Variants in ZNF804B observed in about 807,000 individuals in gnomAD.
The protein encoded by ZNF804B is zinc finger protein 804B, also known as zinc finger 804B.
Under a neutral mutation model 101.4 loss-of-function variants are expected in ZNF804B, and 80 were observed. That is an observed-to-expected ratio of 0.79 (90% CI 0.66 to 0.95). ZNF804B has a LOEUF of 0.95. Ranked by LOEUF, ZNF804B falls within the 40% of genes least tolerant of loss-of-function variation. The pLI, the probability that ZNF804B is intolerant of heterozygous loss-of-function variation, is 0.00. For synonymous variants in ZNF804B, 622 were observed against 558.8 expected (o/e 1.11, Z -1.59); for missense variants, 1,673 against 1,561.9 (o/e 1.07, Z -1.20).
At chr7:89,089,351 T>C (rs370704217) in intron 1 of ZNF804B, among the ~76,000 whole-genome samples, 2 of 147,386 alleles carry the variant, frequency 1.4e-5, no homozygotes, top group African/African-American at 5.4e-5. Context: ...ATGGCTATGT[T>C]TTCGGAAAAA....
At chr7:88,797,782 G>A (rs570240264) in intron 1 of ZNF804B, among the ~76,000 whole-genome samples, 20 of 152,138 alleles carry the variant, frequency 1.3e-4, no homozygotes, top group African/African-American at 4.6e-4. Flanking sequence ...ACCCCAGGAT[G>A]TACTGTTCCA....
intron 2 of ZNF804B, among the ~76,000 whole-genome samples, chr7:89,226,169 G>T (rs1584068336): frequency 6.6e-6 from 1 of 152,034 alleles, no homozygotes; most frequent in East Asian, 1.9e-4. Flanking sequence ...TTGCTTATGA[G>T]AGTATAAATT....
intron 1 of ZNF804B, among the ~76,000 whole-genome samples, chr7:88,970,439 T>C (rs890615718): frequency 4.6e-5 from 7 of 151,334 alleles, no homozygotes; most frequent in Non-Finnish European, 4.4e-5. Context: ...AACTTTATAT[T>C]CCAAACATTT....
chr7:89,040,980 T>G (rs921726507), intron 1 of ZNF804B, among the ~76,000 whole-genome samples: 2 of 152,082 alleles, frequency 1.3e-5, no homozygotes, highest in African/African-American at 2.4e-5. Context: ...GTCTGGTTAT[T>G]GGGACCATAA....
chr7:89,175,014 G>A (rs1271050893), intron 1 of ZNF804B, among the ~76,000 whole-genome samples: 1 of 151,934 alleles, frequency 6.6e-6, no homozygotes, highest in Non-Finnish European at 1.5e-5. Context: ...TGGATAGTTT[G>A]CAAATATTTT....
At chr7:89,108,223 CTTT>C (rs68099837) in intron 1 of ZNF804B, among the ~76,000 whole-genome samples, 4 of 140,408 alleles carry the variant, frequency 2.8e-5, no homozygotes, top group African/African-American at 8.0e-5. Context: ...TAATTAGCTG[CTTT>C]TTTTTTTTTC....
intron 2 of ZNF804B, among the ~76,000 whole-genome samples, chr7:89,306,541 G>T (rs903069209): frequency 6.6e-6 from 1 of 151,922 alleles, no homozygotes; most frequent in African/African-American, 2.4e-5. Context: ...GAAATTATGT[G>T]AGTCTGGCCT....
intron 1 of ZNF804B, among the ~76,000 whole-genome samples, chr7:88,905,626 G>A (rs1298220363): frequency 6.6e-6 from 1 of 152,108 alleles, no homozygotes; most frequent in Non-Finnish European, 1.5e-5. Context: ...CCCAAGTGCT[G>A]GGCTTACAGG....
rs891908960 is a variant in ZNF804B at position 89,302,362 on chromosome 7, C to G, written c.250-24982C>G. ...CACAGCTATCGGGGACATGGATGGA[C>G]CCTTGGTGTTAGTTGTTTCAGGTAC... On this transcript the variant is annotated intron_variant, in intron 2 of 3. Transcript: ENST00000333190. 6.6e-5 allele frequency among the ~76,000 whole-genome samples: 10 copies of G among 151,816 alleles called. 1 individual carries two copies. The highest frequency in any genetic ancestry group is 6.6e-4 in the Admixed American group (10 of 15,192).
chr7:89,047,465 T>C (rs1789128192), intron 1 of ZNF804B, among the ~76,000 whole-genome samples: 1 of 152,160 alleles, frequency 6.6e-6, no homozygotes. Context: ...AGCGCTTTAT[T>C]ACTCATAAAA....
At position 88,862,791 on chromosome 7, in the gene ZNF804B, AT is replaced by A. The variant is rs367632755; in HGVS notation, c.108+102716del. On this transcript the variant is annotated intron_variant, in intron 1 of 3. Coordinates refer to ENST00000333190, the MANE Select transcript of ZNF804B (RefSeq NM_181646.5). ...TTGATTCATCGATGTTTACGCTGTCATTTTTTTTTAGCTTTTCCTGCTTCAC... is the reference window on the plus strand; with the variant it reads ...TTGATTCATCGATGTTTACGCTGTCATTTTTTTTAGCTTTTCCTGCTTCAC... Among the ~76,000 whole-genome samples the A allele has an allele frequency of 5.6e-3, 839 of 150,806 alleles. 11 individuals carry two copies. The highest frequency in any genetic ancestry group is 0.019 in the African/African-American group (787 of 41,134).
At chr7:88,828,530 A>G (rs895051229) in intron 1 of ZNF804B, among the ~76,000 whole-genome samples, 1 of 151,938 alleles carries the variant, frequency 6.6e-6, no homozygotes, top group African/African-American at 2.4e-5. Context: ...TTATCCATCC[A>G]TTTTCAATTT....
chr7:89,333,997 A>C lies in ZNF804B; in HGVS notation c.1015A>C (p.Thr339Pro). ...TCTTTCAGATGTAGATTTTACTCCT[A>C]CCAGCAGAGAAAAAGAAACTAGAAA... ...IHLSDVDFTP[T>P]SREKETRNTL... Residue 339 changes from threonine (T) to proline (P), a missense_variant, in exon 4 of 4, where the codon ACC becomes CCC. Transcript: ENST00000333190. 6.2e-7 allele frequency: 1 copy of C among 1,613,410 alleles called. No homozygotes were observed. Among genetic ancestry groups the C allele is most frequent in the East Asian group, 2.2e-5 (1 of 44,852 alleles).
chr7:89,291,717 A>G (rs1790294443), intron 2 of ZNF804B, among the ~76,000 whole-genome samples: 1 of 152,136 alleles, frequency 6.6e-6, no homozygotes, highest in Non-Finnish European at 1.5e-5. Context: ...AAGTTTATTC[A>G]AATGGGTAAT....
At chr7:89,090,821 T>C (rs1789873668) in intron 1 of ZNF804B, among the ~76,000 whole-genome samples, 1 of 151,952 alleles carries the variant, frequency 6.6e-6, no homozygotes, top group Non-Finnish European at 1.5e-5. Flanking sequence ...TGTATGCAAG[T>C]AAAAATATAC....
chr7:88,921,049 A>G (rs1173122280), intron 1 of ZNF804B, among the ~76,000 whole-genome samples: 1 of 152,074 alleles, frequency 6.6e-6, no homozygotes, highest in East Asian at 1.9e-4. Context: ...ATCCTTGCTG[A>G]TAAAACGAAT....
intron 1 of ZNF804B, among the ~76,000 whole-genome samples, chr7:88,970,160 G>A (rs927707488): frequency 6.6e-6 from 1 of 151,306 alleles, no homozygotes. Flanking sequence ...AATGACAGTA[G>A]ACATTTAAGT....
chr7:89,085,796 C>A (rs1026165781), intron 1 of ZNF804B, among the ~76,000 whole-genome samples: 1 of 151,894 alleles, frequency 6.6e-6, no homozygotes, highest in East Asian at 1.9e-4. Context: ...TCTTTGTCTG[C>A]ATTTCATTAG....
At chr7:88,998,618 G>A (rs1788233781) in intron 1 of ZNF804B, among the ~76,000 whole-genome samples, 1 of 152,006 alleles carries the variant, frequency 6.6e-6, no homozygotes, top group Non-Finnish European at 1.5e-5. Flanking sequence ...CCTTGAGACA[G>A]CCTGCAAATC....
Sources: allele counts gnomAD v4.1 joint callset (sites outside exome capture counted in the v4.1 genomes callset), GRCh38; gene constraint gnomAD v4.1.1; transcripts MANE v1.5; gene names NCBI Gene and HGNC (gene_info 2026-07-23, HGNC 2026-07-21).